ELN: variants seen among roughly 807,000 people sequenced by gnomAD.
The protein encoded by ELN is elastin.
Under a neutral mutation model 105.8 loss-of-function variants are expected in ELN, and 65 were observed. That is an observed-to-expected ratio of 0.61 (90% CI 0.50 to 0.75). The LOEUF is 0.75. Among genes scored for constraint, ELN ranks in the 30% least tolerant of loss-of-function variants. The pLI, the probability that ELN is intolerant of heterozygous loss-of-function variation, is 0.00. For synonymous variants in ELN, 368 were observed against 389.2 expected, an observed-to-expected ratio of 0.95 and a Z score of 0.64; for missense variants, 882 against 969.4, an observed-to-expected ratio of 0.91 and a Z score of 1.20.
intron 4 of ELN, among the ~76,000 whole-genome samples, chr7:74,039,607 T>C (rs1373528028): frequency 1.3e-5 from 2 of 152,186 alleles, no homozygotes; most frequent in East Asian, 3.9e-4. Flanking sequence ...GCCTCAGCTC[T>C]CAGCGGGGGA....
intron 2 of ELN, 28 bp from the exon 3 acceptor site, chr7:74,036,527 C>G (rs781936291): frequency 1.2e-6 from 2 of 1,613,690 alleles, no homozygotes; most frequent in South Asian, 1.1e-5. Context: ...TACCGATGAT[C>G]TCTCTTTCTC....
Position 74,068,907 on chromosome 7 carries a change from G to A in ELN, c.*207G>A. 1.6e-6 allele frequency: 1 copy of A among 635,772 alleles called. No individual in the cohort carries two copies. The highest frequency in any genetic ancestry group is 2.8e-6 in the Non-Finnish European group (1 of 353,236). The allele number at this position is 635,772 out of a possible 1,614,324, so 39.4% of individuals were successfully genotyped here. A position where few individuals can be genotyped will look rare whatever the true frequency, so the allele number is the denominator to read the frequency against. ...CCCGACCAGGAGGCCCCCTACTTCA[G>A]AGGCAAGGGCCATGTGGTCCTGGCC... On this transcript the variant is annotated 3_prime_UTR_variant, in exon 33 of 33. Transcript: ENST00000252034.
intron 5 of ELN, among the ~76,000 whole-genome samples, chr7:74,042,202 T>C (rs1380840678): frequency 6.6e-6 from 1 of 151,516 alleles, no homozygotes; most frequent in African/African-American, 2.4e-5. Context: ...GGCAGATGGC[T>C]TGAGCCCAGG....
At chr7:74,054,672 C>T (rs1554678405) in intron 18 of ELN, 44 bp from the exon 19 acceptor site, 1 of 1,603,440 alleles carries the variant, frequency 6.2e-7, no homozygotes, top group African/African-American at 1.3e-5. Flanking sequence ...CACAGCTCTC[C>T]TCCAATCTCT....
chr7:74,058,499 G>A (rs1169730052), intron 22 of ELN, among the ~76,000 whole-genome samples: 1 of 151,928 alleles, frequency 6.6e-6, no homozygotes, highest in African/African-American at 2.4e-5. Flanking sequence ...GACCACAGGT[G>A]CCCACCACCA....
Position 74,043,182 on chromosome 7 carries a change from C to A in ELN, c.427+14C>A. 1 of 1,580,304 alleles carries A rather than the reference C, an allele frequency of 6.3e-7. No individual in the cohort carries two copies. Among genetic ancestry groups the A allele is most frequent in the Non-Finnish European group, 8.6e-7 (1 of 1,162,794 alleles). The stretch of plus-strand genomic sequence containing the variant: ...GGAAAGTGCCGGGTCAGTGCGGAAT[C>A]CCTGGGGCTGGAGGACAGAGGGCAG... On this transcript the variant is annotated intron_variant, in intron 8 of 32. Coordinates refer to ENST00000252034, the MANE Select transcript of ELN (RefSeq NM_000501.4).
intron 32 of ELN, among the ~76,000 whole-genome samples, chr7:74,067,375 CT>C (rs1470888816): frequency 2.0e-5 from 3 of 151,856 alleles, no homozygotes; most frequent in African/African-American, 7.2e-5. Flanking sequence ...TCAAGCGATT[CT>C]TCTGCCTCAG....
intron 21 of ELN, 21 bp from the exon 22 acceptor site, chr7:74,057,619 C>T: frequency 6.2e-7 from 1 of 1,613,768 alleles, no homozygotes; most frequent in Non-Finnish European, 8.5e-7. Context: ...ACTCTCTCAC[C>T]CCTTCTCTTC....
intron 13 of ELN, 39 bp from the exon 14 acceptor site, chr7:74,048,103 T>C (rs779564709): frequency 1.6e-5 from 26 of 1,613,058 alleles, no homozygotes; most frequent in Non-Finnish European, 2.1e-5. Flanking sequence ...GCAGTGGTGA[T>C]GTCTGCACAG....
At chr7:74,040,059 A>G (rs1790829051) in intron 4 of ELN, among the ~76,000 whole-genome samples, 1 of 152,126 alleles carries the variant, frequency 6.6e-6, no homozygotes, top group Non-Finnish European at 1.5e-5. Flanking sequence ...GCAGGCAGAG[A>G]CAGAAGTGGT....
chr7:74,051,632 C>T lies in ELN; in HGVS notation c.800-118C>T, dbSNP rs1164075597. 6 of 1,131,470 alleles carry T rather than the reference C, an allele frequency of 5.3e-6. No homozygotes were observed. The East Asian group carries it at 1.5e-4, about 29-fold the overall frequency. The allele number at this position is 1,131,470 out of a possible 1,614,324, so 70.1% of individuals were successfully genotyped here. A position where few individuals can be genotyped will look rare whatever the true frequency, so the allele number is the denominator to read the frequency against. ...CCCAGACAGGCCCATCTGGAGACAC[C>T]CGGGCCCCATTCCTGGATAAGATCA... On this transcript the variant is annotated intron_variant, in intron 15 of 32. Coordinates refer to ENST00000252034, the MANE Select transcript of ELN (RefSeq NM_000501.4).
At chr7:74,048,364 C>A (rs970722635) in intron 14 of ELN, 139 bp from the exon 15 acceptor site, 3 of 1,494,312 alleles carry the variant, frequency 2.0e-6, no homozygotes, top group African/African-American at 2.8e-5. Flanking sequence ...GGGGCAGCTC[C>A]ATCAGCCTCT....
At chr7:74,058,051 C>A (rs1372843718) in intron 22 of ELN, among the ~76,000 whole-genome samples, 1 of 151,340 alleles carries the variant, frequency 6.6e-6, no homozygotes, top group Non-Finnish European at 1.5e-5. Flanking sequence ...TCTTGTGCTC[C>A]TCTTCCTTCT....
rs781988404 is a variant in ELN, at chr7:74,059,960, TTGGCTCCTGGAGTTGGCG to T, written c.1506_1523del (p.Val513_Gly518del). The T allele has an allele frequency of 5.6e-6, 9 of 1,609,894 alleles. No individual in the cohort carries two copies. The highest frequency in any genetic ancestry group is 3.3e-5 in the South Asian group (3 of 90,938). On this transcript the variant is annotated inframe_deletion, in exon 23 of 33. Transcript: ENST00000252034. ...TGTCGGTGTGGCTCCTGGAGTTGGC[TTGGCTCCTGGAGTTGGCG>T]TGGCTCCTGGAGTTGGTGTGGCTCC...
rs1450204265 is a variant in ELN, at chr7:74,068,884, C to T, written c.*184C>T. On this transcript the variant is annotated 3_prime_UTR_variant, in exon 33 of 33. Coordinates refer to ENST00000252034, the MANE Select transcript of ELN (RefSeq NM_000501.4). The stretch of plus-strand genomic sequence containing the variant: ...ACAAGAGGGGAGCGGCCAAGTGCCC[C>T]GACCAGGAGGCCCCCTACTTCAGAG... The T allele has an allele frequency of 3.9e-5, 27 of 699,108 alleles. No homozygotes were observed. Among genetic ancestry groups the T allele is most frequent in the African/African-American group, 2.1e-4 (12 of 56,950 alleles). The allele number at this position is 699,108 out of a possible 1,614,324, so 43.3% of individuals were successfully genotyped here.
intron 22 of ELN, among the ~76,000 whole-genome samples, chr7:74,058,378 A>G (rs1322194897): frequency 1.4e-5 from 2 of 146,864 alleles, no homozygotes; most frequent in Admixed American, 6.9e-5. Flanking sequence ...TTCTTGAGAT[A>G]GGGTCTAGCT....
intron 22 of ELN, among the ~76,000 whole-genome samples, chr7:74,058,078 T>G (rs1563845080): frequency 6.6e-6 from 1 of 151,074 alleles, no homozygotes; most frequent in East Asian, 2.0e-4. Flanking sequence ...TCTTCTTTCT[T>G]CTCCTCCTCC....
At chr7:74,043,252 T>A in intron 8 of ELN, 84 bp downstream of exon 8, 1 of 1,528,942 alleles carries the variant, frequency 6.5e-7, no homozygotes, top group South Asian at 1.2e-5. Context: ...TCCATGCCAC[T>A]GCACTTGGGG....
At chr7:74,044,511 C>G (rs1792002558) in intron 9 of ELN, among the ~76,000 whole-genome samples, 1 of 152,170 alleles carries the variant, frequency 6.6e-6, no homozygotes, top group South Asian at 2.1e-4. Context: ...AGGACAGATC[C>G]CAGTGTGACC....
Sources: allele counts gnomAD v4.1 joint callset (sites outside exome capture counted in the v4.1 genomes callset), GRCh38; gene constraint gnomAD v4.1.1; transcripts MANE v1.5; gene names NCBI Gene and HGNC (gene_info 2026-07-23, HGNC 2026-07-21).